Variants in CDKN2B-AS1 observed in about 807,000 individuals in gnomAD.
CDKN2B-AS1 encodes CDKN2B antisense RNA 1 (non-protein coding).
In CDKN2B-AS1 at chr9:22,006,316, G is replaced by A. The variant is rs1821188340; in HGVS notation, n.29+11155G>A. On this transcript the variant is annotated intron_variant and non_coding_transcript_variant, in intron 1 of 4. Transcript: ENST00000650946. The surrounding 1 kb of genome is among the most constrained non-coding windows in gnomAD (Gnocchi z 6.4). The stretch of plus-strand genomic sequence containing the variant: ...TATGGGAGATGCCGGCCGGGGCAAG[G>A]CAGGTGGAGCCATTTAAAGAAACAC... 6.3e-7 allele frequency: 1 copy of A among 1,589,954 alleles called. No individual in the cohort carries two copies. Among genetic ancestry groups the A allele is most frequent in the Non-Finnish European group, 8.5e-7 (1 of 1,174,416 alleles).
At chr9:22,027,500 C>T (rs1357025308) in intron 1 of CDKN2B-AS1, among the ~76,000 whole-genome samples, 1 of 152,138 alleles carries the variant, frequency 6.6e-6, no homozygotes, top group African/African-American at 2.4e-5. Context: ...TCTATTCATT[C>T]TTACCAAATA....
intron 4 of CDKN2B-AS1, among the ~76,000 whole-genome samples, chr9:22,121,879 A>G (rs937004077): frequency 6.6e-6 from 1 of 152,134 alleles, no homozygotes; most frequent in South Asian, 2.1e-4. Flanking sequence ...TCTCTTTGAT[A>G]TAATGATTTT....
intron 4 of CDKN2B-AS1, among the ~76,000 whole-genome samples, chr9:22,089,810 C>T (rs1333209552): frequency 6.6e-6 from 1 of 151,944 alleles, no homozygotes; most frequent in Non-Finnish European, 1.5e-5. Context: ...TAATTTCAAA[C>T]ATTTATAAAT....
At chr9:22,009,334 T>G in intron 1 of CDKN2B-AS1, 1 of 400,382 alleles carries the variant, frequency 2.5e-6, no homozygotes, top group Non-Finnish European at 4.5e-6. Flanking sequence ...GAATTCCGTT[T>G]TCAGCTGGGC....
chr9:22,002,078 T>C (rs762439697), intron 1 of CDKN2B-AS1, among the ~76,000 whole-genome samples: 20 of 152,124 alleles, frequency 1.3e-4, no homozygotes, highest in Non-Finnish European at 2.4e-4. Context: ...AGCTTAGTAA[T>C]TGAACACTGT....
At chr9:22,120,283 C>T (rs1198085794) in intron 4 of CDKN2B-AS1, 1 of 152,142 alleles carries the variant, frequency 6.6e-6, no homozygotes, top group Non-Finnish European at 1.5e-5. Flanking sequence ...GAGGCTAGGG[C>T]CAGAGTCAAG....
intron 4 of CDKN2B-AS1, among the ~76,000 whole-genome samples, chr9:22,089,394 G>A (rs949458150): frequency 6.6e-6 from 1 of 152,088 alleles, no homozygotes; most frequent in South Asian, 2.1e-4. Flanking sequence ...TTATCTTCAA[G>A]TGAAGTTACT....
At chr9:22,053,887 A>G (rs1823453352) in intron 3 of CDKN2B-AS1, among the ~76,000 whole-genome samples, 1 of 152,164 alleles carries the variant, frequency 6.6e-6, no homozygotes, top group African/African-American at 2.4e-5. Context: ...ATTTTTACTT[A>G]GGACATACGT....
intron 4 of CDKN2B-AS1, among the ~76,000 whole-genome samples, chr9:22,098,155 CTCTGTG>C (rs1395211955): frequency 1.5e-5 from 2 of 132,618 alleles, no homozygotes; most frequent in African/African-American, 8.2e-5. Context: ...CTCTCTCTGT[CTCTGTG>C]TGTGTGTGTG....
At chr9:22,054,475 A>G (rs1823475145) in intron 3 of CDKN2B-AS1, among the ~76,000 whole-genome samples, 1 of 152,142 alleles carries the variant, frequency 6.6e-6, no homozygotes, top group African/African-American at 2.4e-5. Context: ...TTATGAGCAT[A>G]CCTTGTGTCA....
intron 4 of CDKN2B-AS1, among the ~76,000 whole-genome samples, chr9:22,086,599 T>C (rs577089826): frequency 4.3e-4 from 66 of 152,324 alleles, no homozygotes; most frequent in Admixed American, 2.1e-3. Context: ...AATATGAAAT[T>C]CTTAAAAACA....
At chr9:22,009,516 G>T (rs1323781548) in intron 1 of CDKN2B-AS1, among the ~76,000 whole-genome samples, 1 of 152,260 alleles carries the variant, frequency 6.6e-6, no homozygotes, top group Non-Finnish European at 1.5e-5. Flanking sequence ...TGGCTGCACT[G>T]CTCGCTGGAT....
intron 4 of CDKN2B-AS1, among the ~76,000 whole-genome samples, chr9:22,084,998 C>A (rs1054124580): frequency 1.3e-5 from 2 of 152,138 alleles, no homozygotes; most frequent in African/African-American, 4.8e-5. Flanking sequence ...GCAACCCCAG[C>A]ACAGTGTTTT....
chr9:22,101,406 G>T (rs1825478626), intron 4 of CDKN2B-AS1, among the ~76,000 whole-genome samples: 1 of 152,032 alleles, frequency 6.6e-6, no homozygotes, highest in African/African-American at 2.4e-5. Flanking sequence ...CTAGAAATGT[G>T]ATAAATGGCC....
chr9:22,079,937 G>A (rs999178355), intron 4 of CDKN2B-AS1, among the ~76,000 whole-genome samples: 3 of 152,162 alleles, frequency 2.0e-5, no homozygotes, highest in Non-Finnish European at 2.9e-5. Flanking sequence ...GTGTGGTTTC[G>A]GTAGAGTCAT....
chr9:22,042,137 G>A (rs1010475690), intron 1 of CDKN2B-AS1, among the ~76,000 whole-genome samples: 4 of 152,020 alleles, frequency 2.6e-5, no homozygotes, highest in East Asian at 1.9e-4. Context: ...AGGCACAAGA[G>A]GCCAAGAAAT....
At chr9:22,037,813 G>A (rs1331920925) in intron 1 of CDKN2B-AS1, among the ~76,000 whole-genome samples, 1 of 152,000 alleles carries the variant, frequency 6.6e-6, no homozygotes. Flanking sequence ...CCATTTAGAG[G>A]ATAACACATT....
At chr9:22,062,811 G>T (rs1338821171) in intron 4 of CDKN2B-AS1, among the ~76,000 whole-genome samples, 1 of 151,876 alleles carries the variant, frequency 6.6e-6, no homozygotes, top group Non-Finnish European at 1.5e-5. Flanking sequence ...TTAAAAATTG[G>T]GCTTGAGAGA....
intron 1 of CDKN2B-AS1, chr9:22,029,519 C>T: frequency 1.3e-6 from 1 of 779,598 alleles, no homozygotes; most frequent in Non-Finnish European, 2.4e-6. Flanking sequence ...CTCATCTGAT[C>T]TCCGTCCTGG....
Sources: allele counts gnomAD v4.1 joint callset (sites outside exome capture counted in the v4.1 genomes callset), GRCh38; gene constraint gnomAD v4.1.1; non-coding constraint Gnocchi (gnomAD v3.1); transcripts MANE v1.5; gene names NCBI Gene and HGNC (gene_info 2026-07-23, HGNC 2026-07-21).